ASTN2: variants seen among roughly 807,000 people sequenced by gnomAD.
ASTN2 encodes the protein astrotactin 2.
ASTN2 carries 54 observed loss-of-function variants against 139.8 expected under a neutral mutation model. That is an observed-to-expected ratio of 0.39 (90% CI 0.31 to 0.48). ASTN2 has a LOEUF of 0.48. Ranked by LOEUF, ASTN2 falls within the 20% of genes least tolerant of loss-of-function variation. The pLI, the probability that ASTN2 is intolerant of heterozygous loss-of-function variation, is 0.95. For synonymous variants in ASTN2, 756 were observed against 719.5 expected (o/e 1.05, Z -0.81); for missense variants, 1,565 against 1,725.1 (o/e 0.91, Z 1.64).
intron 17 of ASTN2, among the ~76,000 whole-genome samples, chr9:116,641,251 C>A (rs1237491831): frequency 1.3e-5 from 2 of 152,154 alleles, no homozygotes; most frequent in Non-Finnish European, 2.9e-5. Context: ...GAGAAGGTAA[C>A]TGAATGCAAT....
At chr9:116,731,471 G>C (rs1331469671) in intron 14 of ASTN2, among the ~76,000 whole-genome samples, 1 of 152,010 alleles carries the variant, frequency 6.6e-6, no homozygotes, top group Non-Finnish European at 1.5e-5. Flanking sequence ...TGCCCATGCT[G>C]GAGTGCAGTG....
rs77717183 is a variant in ASTN2, at chr9:117,207,890, C to T, written c.1015+6468G>A. Reference sequence around the variant, plus strand: ...AGGTCACTGAGTATCTTACAAATGTCACTAATGTAAAATTGTAGCCAATTT... The same window carrying T: ...AGGTCACTGAGTATCTTACAAATGTTACTAATGTAAAATTGTAGCCAATTT... On this transcript the variant is annotated intron_variant, in intron 3 of 22. Coordinates refer to ENST00000313400, the MANE Select transcript of ASTN2 (RefSeq NM_001365068.1). 2.0e-5 allele frequency among the ~76,000 whole-genome samples: 3 copies of T among 152,206 alleles called. No homozygotes were observed. The East Asian group carries it at 5.8e-4, about 29-fold the overall frequency.
chr9:117,121,901 C>T (rs1829568137), intron 4 of ASTN2, among the ~76,000 whole-genome samples: 1 of 152,118 alleles, frequency 6.6e-6, no homozygotes, highest in South Asian at 2.1e-4. Context: ...CTCCTGATAA[C>T]TCACTCACCA....
chr9:117,367,828 G>T (rs995489975), intron 1 of ASTN2, among the ~76,000 whole-genome samples: 1 of 152,116 alleles, frequency 6.6e-6, no homozygotes, highest in African/African-American at 2.4e-5. Context: ...GCTTCAGTTA[G>T]AATCATAGAA....
intron 19 of ASTN2, among the ~76,000 whole-genome samples, chr9:116,522,768 C>A (rs73522494): frequency 0.012 from 1,879 of 152,180 alleles, 33 homozygotes; most frequent in African/African-American, 0.043. Context: ...TTCCATTGTA[C>A]AGATTTGAAA....
intron 10 of ASTN2, among the ~76,000 whole-genome samples, chr9:116,913,805 A>T: frequency 6.6e-6 from 1 of 151,956 alleles, no homozygotes; most frequent in East Asian, 1.9e-4. Flanking sequence ...ACTCTCAGGC[A>T]TGTGTGAGAA....
At chr9:117,324,375 A>G (rs991530974) in intron 1 of ASTN2, among the ~76,000 whole-genome samples, 2 of 152,218 alleles carry the variant, frequency 1.3e-5, no homozygotes, top group Admixed American at 1.3e-4. Context: ...ACAGTTCTGC[A>G]TGGCTGAAGT....
chr9:117,301,872 A>G (rs1834884015), intron 1 of ASTN2, among the ~76,000 whole-genome samples: 1 of 150,516 alleles, frequency 6.6e-6, no homozygotes, highest in East Asian at 1.9e-4. Flanking sequence ...AATTAAGTTC[A>G]CCTCTCTGAG....
At chr9:117,344,066 G>A (rs1049797167) in intron 1 of ASTN2, among the ~76,000 whole-genome samples, 1 of 151,970 alleles carries the variant, frequency 6.6e-6, no homozygotes, top group South Asian at 2.1e-4. Context: ...ATCTCCCAAG[G>A]TGGCCCCATC....
chr9:116,924,447 A>AAAT (rs1003833179), intron 10 of ASTN2, among the ~76,000 whole-genome samples: 1 of 151,044 alleles, frequency 6.6e-6, no homozygotes, highest in African/African-American at 2.4e-5. Context: ...AAAAAAAAAA[A>AAAT]AAAAGAATGG....
chr9:116,835,369 T>C (rs1041710880), intron 11 of ASTN2, among the ~76,000 whole-genome samples: 1 of 152,180 alleles, frequency 6.6e-6, no homozygotes, highest in Non-Finnish European at 1.5e-5. Context: ...TATTTTGAAA[T>C]GGCCCTGCAA....
chr9:117,176,235 C>T (rs547727660), intron 3 of ASTN2, among the ~76,000 whole-genome samples: 2 of 151,934 alleles, frequency 1.3e-5, no homozygotes, highest in Non-Finnish European at 2.9e-5. Context: ...AGATTTTATT[C>T]ATTGCTGGTG....
At chr9:117,080,820 G>A (rs1564416763) in intron 5 of ASTN2, among the ~76,000 whole-genome samples, 1 of 152,116 alleles carries the variant, frequency 6.6e-6, no homozygotes, top group Non-Finnish European at 1.5e-5. Context: ...CTGGAGTCAT[G>A]TCTTGCTAAC....
chr9:117,103,825 T>C (rs577480010), intron 4 of ASTN2, among the ~76,000 whole-genome samples: 2 of 152,202 alleles, frequency 1.3e-5, no homozygotes, highest in African/African-American at 2.4e-5. Context: ...GTCCCAGTCA[T>C]AGAAAAAGGA....
At chr9:117,041,330 A>C (rs6478274) in intron 5 of ASTN2, among the ~76,000 whole-genome samples, 84,849 of 151,692 alleles carry the variant, frequency 0.56, 24,987 homozygotes, top group African/African-American at 0.74. Flanking sequence ...GTGGCTATCC[A>C]ATTAGAATGT....
At chr9:117,029,840 A>T (rs1332756495) in intron 6 of ASTN2, among the ~76,000 whole-genome samples, 1 of 152,056 alleles carries the variant, frequency 6.6e-6, no homozygotes, top group Non-Finnish European at 1.5e-5. Flanking sequence ...ACCTAGCCTT[A>T]CCTGCCAAGA....
intron 2 of ASTN2, chr9:117,277,328 A>G (rs1834217925): frequency 6.6e-6 from 1 of 152,218 alleles, no homozygotes; most frequent in African/African-American, 2.4e-5. Context: ...TATCTTTTAA[A>G]CAAACACACA....
At chr9:116,607,670 A>AAC (rs57512218) in intron 19 of ASTN2, among the ~76,000 whole-genome samples, 2,549 of 136,272 alleles carry the variant, frequency 0.019, 39 homozygotes, top group East Asian at 0.064. Flanking sequence ...TTAAGAAATT[A>AAC]ACACACACAC....
intron 19 of ASTN2, among the ~76,000 whole-genome samples, chr9:116,531,497 C>G (rs1851345082): frequency 6.6e-6 from 1 of 152,058 alleles, no homozygotes; most frequent in South Asian, 2.1e-4. Context: ...GGTATATCTC[C>G]TAATGCTACC....
Sources: gnomAD v4.1 joint callset for allele counts (sites outside exome capture counted in the v4.1 genomes callset) on GRCh38, gnomAD v4.1.1 for gene constraint, MANE v1.5 for transcripts, NCBI Gene and HGNC (gene_info 2026-07-23, HGNC 2026-07-21) for gene names.